The following KCNQ1 variants were observed in gnomAD, a reference collection of about 807,000 sequenced individuals.
KCNQ1 encodes the protein potassium voltage-gated channel subfamily Q member 1, also known as potassium voltage-gated channel subfamily KQT member 1.
KCNQ1 carries 49 observed loss-of-function variants against 72.4 expected under a neutral mutation model. That is an observed-to-expected ratio of 0.68 (90% confidence interval 0.54 to 0.86). The LOEUF (loss-of-function observed/expected upper bound fraction) is 0.86, where lower values mean the gene tolerates loss of function less well. Among genes scored for constraint, KCNQ1 ranks in the 40% least tolerant of loss-of-function variants. The pLI, the probability that KCNQ1 is intolerant of heterozygous loss-of-function variation, is 0.00. For synonymous variants in KCNQ1, 450 were observed against 412.6 expected, an observed-to-expected ratio of 1.09 and a Z score of -1.10; for missense variants, 790 against 945.1, an observed-to-expected ratio of 0.84 and a Z score of 2.15.
At chr11:2,825,318 G>GC in intron 15 of KCNQ1, among the ~76,000 whole-genome samples, 1 of 152,326 alleles carries the variant, frequency 6.6e-6, no homozygotes, top group East Asian at 1.9e-4. Context: ...GCCAAGGGAG[G>GC]CCCGCAGCCC....
At chr11:2,836,547 C>T (rs1251190669) in intron 15 of KCNQ1, among the ~76,000 whole-genome samples, 3 of 152,198 alleles carry the variant, frequency 2.0e-5, no homozygotes, top group Non-Finnish European at 4.4e-5. Flanking sequence ...AAAGACTTGG[C>T]CTGTGGAGCC....
intron 1 of KCNQ1, among the ~76,000 whole-genome samples, chr11:2,480,793 C>T (rs1162475977): frequency 4.0e-5 from 6 of 149,756 alleles, no homozygotes; most frequent in African/African-American, 1.2e-4. Context: ...AACAGTACCA[C>T]ATGGTTACAG....
rs1253031815 is a variant in KCNQ1, at chr11:2,603,802, C to T, written c.1393+14948C>T. Among the ~76,000 whole-genome samples the T allele has an allele frequency of 5.9e-5, 9 of 151,916 alleles. No homozygotes were observed. The highest frequency in any genetic ancestry group is 9.7e-5 in the African/African-American group (4 of 41,364). ...GCCTCCCGGGTTCAAGCAATTCACC[C>T]GCCTCAGCCTCCCAAGTAGGTGGGA... On this transcript the variant is annotated intron_variant, in intron 10 of 15. Transcript: ENST00000155840. This position sits in a 1 kb window ranked among gnomAD's most constrained non-coding sequence, Gnocchi z 4.1.
At chr11:2,694,608 G>A (rs1054298087) in intron 11 of KCNQ1, 14 of 398,440 alleles carry the variant, frequency 3.5e-5, no homozygotes, top group South Asian at 1.3e-4. Context: ...CTCTTCCTTC[G>A]TTCAATAAAT....
At chr11:2,542,492 T>C (rs11825164) in intron 2 of KCNQ1, among the ~76,000 whole-genome samples, 1 of 152,224 alleles carries the variant, frequency 6.6e-6, no homozygotes, top group African/African-American at 2.4e-5. Context: ...GAAGGCCTTG[T>C]TTAAAATGTA....
At chr11:2,655,772 C>T (rs1191256803) in intron 10 of KCNQ1, 1 of 396,444 alleles carries the variant, frequency 2.5e-6, no homozygotes, top group Non-Finnish European at 4.4e-6. Context: ...GCTCTGGTCA[C>T]TGCCTCCCTG....
rs1470370197 is a variant in KCNQ1 at position 2,687,204 on chromosome 11, A to G, written c.1514+25123A>G. ...AAGCCCAGGCTGGATAGGGAGCATC[A>G]CACTGTTGGGAAATGTGCAATTTTC... is the stretch of plus-strand genomic sequence containing the variant. On this transcript the variant is annotated intron_variant, in intron 11 of 15. Coordinates refer to ENST00000155840, the MANE Select transcript of KCNQ1 (RefSeq NM_000218.3). The surrounding 1 kb of genome is among the most constrained non-coding windows in gnomAD (Gnocchi z 5.0). 2.5e-6 allele frequency: 1 copy of G among 398,530 alleles called. No homozygotes were observed. Among genetic ancestry groups the G allele is most frequent in the African/African-American group, 2.1e-5 (1 of 48,628 alleles). 24.7% of individuals were successfully genotyped at this position (398,530 alleles called of 1,614,324 possible). A position where few individuals can be genotyped will look rare whatever the true frequency, so the allele number is the denominator to read the frequency against.
At position 2,496,495 on chromosome 11, in the gene KCNQ1, CTTTTTTTTTT is replaced by C; in HGVS notation, c.387-31417_387-31408del. ...AAAATGGCTAGGATCACAACCCCTG[CTTTTTTTTTT>C]TTTTTTTTTTTTTTTGCTTTCCATT... On this transcript the variant is annotated intron_variant, in intron 1 of 15. Transcript: ENST00000155840. 1.7e-4 allele frequency among the ~76,000 whole-genome samples: 5 copies of C among 29,844 alleles called. 1 individual carries two copies. The highest frequency in any genetic ancestry group is 3.2e-4 in the African/African-American group (3 of 9,286). 19.6% of individuals were successfully genotyped at this position (29,844 alleles called of 152,430 possible).
intron 10 of KCNQ1, chr11:2,644,233 C>T (rs981237677): frequency 2.5e-6 from 1 of 398,350 alleles, no homozygotes; most frequent in Non-Finnish European, 4.4e-6. Flanking sequence ...AAGGTGTCAC[C>T]TTATGGCATC....
At chr11:2,641,043 A>G (rs1849568787) in intron 10 of KCNQ1, 3 of 398,102 alleles carry the variant, frequency 7.5e-6, no homozygotes, top group Non-Finnish European at 1.3e-5. Context: ...TATTTACCTC[A>G]TTTTCTTTTT....
intron 15 of KCNQ1, among the ~76,000 whole-genome samples, chr11:2,834,817 G>T (rs1204360608): frequency 6.6e-6 from 1 of 152,238 alleles, no homozygotes; most frequent in African/African-American, 2.4e-5. Context: ...CCCCAGGAAT[G>T]CAGGTTCCGG....
At chr11:2,527,288 G>T (rs1589930668) in intron 1 of KCNQ1, among the ~76,000 whole-genome samples, 1 of 152,288 alleles carries the variant, frequency 6.6e-6, no homozygotes, top group South Asian at 2.1e-4. Flanking sequence ...CAGACGCTTG[G>T]TGCAGGTGTC....
At position 2,809,346 on chromosome 11, in the gene KCNQ1, G is replaced by T. The variant is rs1847441560; in HGVS notation, c.1794+31309G>T. On this transcript the variant is annotated intron_variant, in intron 15 of 15. Transcript: ENST00000155840. The surrounding 1 kb of genome is among the most constrained non-coding windows in gnomAD (Gnocchi z 7.1). ...GACGCTGGACTCATCGTGGGTTTTT[G>T]CGGTCTTCTCTCAGCTTTGTGTGGT... Among the ~76,000 whole-genome samples the T allele has an allele frequency of 6.6e-6, 1 of 152,122 alleles. No homozygotes were observed. Among genetic ancestry groups the T allele is most frequent in the African/African-American group, 2.4e-5 (1 of 41,428 alleles).
intron 2 of KCNQ1, among the ~76,000 whole-genome samples, chr11:2,553,777 G>T (rs370762109): frequency 2.6e-5 from 4 of 151,918 alleles, no homozygotes; most frequent in South Asian, 2.1e-4. Context: ...GCGCAATGGC[G>T]TGATCTCGGC....
rs772937713 is a variant in KCNQ1, at chr11:2,817,922, A to T, written c.1795-29845A>T. On this transcript the variant is annotated intron_variant, in intron 15 of 15. Coordinates refer to ENST00000155840, the MANE Select transcript of KCNQ1 (RefSeq NM_000218.3). This position sits in a 1 kb window ranked among gnomAD's most constrained non-coding sequence, Gnocchi z 6.1. ...GCAAATGCTCCACATTTGCATTTTA[A>T]AAGCCCTGAGAAGGCCTGCAGTGAA... Among the ~76,000 whole-genome samples, 11 of 152,168 alleles carry T rather than the reference A, an allele frequency of 7.2e-5. No individual in the cohort carries two copies. Among genetic ancestry groups the T allele is most frequent in the Non-Finnish European group, 1.5e-4 (10 of 68,032 alleles).
chr11:2,549,635 G>A lies in KCNQ1; in HGVS notation c.478-20993G>A, dbSNP rs1366191243. On this transcript the variant is annotated intron_variant, in intron 2 of 15. Transcript: ENST00000155840. This position sits in a 1 kb window ranked among gnomAD's most constrained non-coding sequence, Gnocchi z 6.2. ...GCTCTGCGAGGCCCGGGGTAGGGGC[G>A]TGGGGGGGCCTCCTCCTCCCAAGCA... Among the ~76,000 whole-genome samples the A allele has an allele frequency of 4.0e-5, 6 of 151,656 alleles. No homozygotes were observed. The highest frequency in any genetic ancestry group is 1.2e-4 in the African/African-American group (5 of 41,204).
intron 11 of KCNQ1, chr11:2,692,214 T>A (rs2133893413): frequency 2.5e-6 from 1 of 398,862 alleles, no homozygotes; most frequent in African/African-American, 2.1e-5. Context: ...ATACACCCGC[T>A]TCCTCACCAC....
Position 2,588,748 on chromosome 11 carries a change from T to TG in KCNQ1, c.1291dup (p.Val431GlyfsTer32), listed in dbSNP as rs397508085. 6.2e-7 allele frequency: 1 copy of TG among 1,613,642 alleles called. No individual in the cohort carries two copies. Among genetic ancestry groups the TG allele is most frequent in the Non-Finnish European group, 8.5e-7 (1 of 1,179,918 alleles). On this transcript the variant is annotated frameshift_variant, in exon 10 of 16. Coordinates refer to ENST00000155840, the MANE Select transcript of KCNQ1 (RefSeq NM_000218.3). LOFTEE classifies it high-confidence loss of function. This position sits in a 1 kb window ranked among gnomAD's most constrained non-coding sequence, Gnocchi z 5.6. ...AAAAGTTCAAGCTGGACAAAGACAA[T>TG]GGGGTGACTCCTGGAGAGAAGATGC...
chr11:2,674,826 GT>G lies in KCNQ1; in HGVS notation c.1514+12751del, dbSNP rs368696639. ...GGAAAGGCTTGTCACCCTAATAGCTGTTTTTTAAAAAAAAAAAAAAAAAAAA... is the reference window on the plus strand; with the variant it reads ...GGAAAGGCTTGTCACCCTAATAGCTGTTTTTAAAAAAAAAAAAAAAAAAAA... On this transcript the variant is annotated intron_variant, in intron 11 of 15. Coordinates refer to ENST00000155840, the MANE Select transcript of KCNQ1 (RefSeq NM_000218.3). The surrounding 1 kb of genome is among the most constrained non-coding windows in gnomAD (Gnocchi z 5.9). 1.0e-3 allele frequency: 221 copies of G among 218,540 alleles called. 1 individual carries two copies. The highest frequency in any genetic ancestry group is 2.9e-3 in the South Asian group (9 of 3,150). 13.5% of individuals were successfully genotyped at this position (218,540 alleles called of 1,614,324 possible).
Sources: gnomAD v4.1 joint callset for allele counts (sites outside exome capture counted in the v4.1 genomes callset) on GRCh38, gnomAD v4.1.1 for gene constraint, Gnocchi (gnomAD v3.1) non-coding constraint, MANE v1.5 for transcripts, NCBI Gene and HGNC (gene_info 2026-07-23, HGNC 2026-07-21) for gene names.